C8orf76: variants seen among roughly 807,000 people sequenced by gnomAD.
C8orf76 encodes uncharacterized protein C8orf76.
A neutral mutation model predicts 38.1 loss-of-function variants in C8orf76; 46 were observed. That is an observed-to-expected ratio of 1.21 (90% CI 0.95 to 1.54). The LOEUF is 1.54. C8orf76 is among the 40% of genes most tolerant of loss of function. C8orf76 has a pLI of 0.00. For missense variants in C8orf76, 461 were observed against 441.6 expected, an observed-to-expected ratio of 1.04 and a Z score of -0.39; for synonymous variants, 166 against 167.5, an observed-to-expected ratio of 0.99 and a Z score of 0.07.
rs902643456 is a variant in C8orf76, at chr8:123,220,230, G to A, written c.1016C>T (p.Ser339Phe). Reference sequence around the variant, plus strand: ...AGTCACCAAGGCAGTCAGGGCTACGGAGCCAACACACTTCACCTCTGGGTG... The same window carrying A: ...AGTCACCAAGGCAGTCAGGGCTACGAAGCCAACACACTTCACCTCTGGGTG... ...EVHPEVKCVG[S>F]VALTALVTVS... The change falls in exon 6 of 6, where the codon TCC becomes TTC. Residue 339 changes from serine to phenylalanine, a missense_variant. By Grantham distance (155) the Ser-to-Phe change is radical. Coordinates refer to ENST00000276704, the MANE Select transcript of C8orf76 (RefSeq NM_032847.3). 5.0e-6 allele frequency: 8 copies of A among 1,613,482 alleles called. No homozygotes were observed. The highest frequency in any genetic ancestry group is 5.9e-6 in the Non-Finnish European group (7 of 1,179,790).
chr8:123,220,503 C>A (rs1464103211), intron 5 of C8orf76, among the ~76,000 whole-genome samples: 2 of 152,210 alleles, frequency 1.3e-5, no homozygotes, highest in African/African-American at 4.8e-5. Flanking sequence ...CTTATCTGAT[C>A]TCAGAAGTAG....
intron 4 of C8orf76, among the ~76,000 whole-genome samples, chr8:123,227,003 C>T (rs1825066845): frequency 6.6e-6 from 1 of 152,228 alleles, no homozygotes; most frequent in African/African-American, 2.4e-5. Context: ...AATCAGACTC[C>T]TCTCACACAG....
In C8orf76 at chr8:123,220,285, C is replaced by A; in HGVS notation, c.961G>T (p.Asp321Tyr). The A allele has an allele frequency of 6.3e-7, 1 of 1,598,784 alleles. No homozygotes were observed. The highest frequency in any genetic ancestry group is 8.5e-7 in the Non-Finnish European group (1 of 1,174,114). The change falls in exon 6 of 6, where the codon GAT (aspartate) becomes TAT (tyrosine). Residue 321 changes from aspartate to tyrosine, a missense_variant. Coordinates refer to ENST00000276704, the MANE Select transcript of C8orf76 (RefSeq NM_032847.3). ...TCATCTTTTATTTTTTCTGGGATAT[C>A]TTCTCCCATAACCTATAACAGGAGG... is the stretch of plus-strand genomic sequence containing the variant. The part of the protein sequence containing the change: ...LLLIAEVMGE[D>Y]IPEKIKDEVH...
At chr8:123,237,703 T>C (rs1250833317) in intron 3 of C8orf76, 95 bp downstream of exon 3, 2 of 1,439,980 alleles carry the variant, frequency 1.4e-6, no homozygotes, top group South Asian at 1.7e-5. Flanking sequence ...CCATAGATTT[T>C]GCTACTAGCA....
chr8:123,224,526 C>A (rs1023441998), intron 5 of C8orf76, among the ~76,000 whole-genome samples: 6 of 152,070 alleles, frequency 3.9e-5, no homozygotes, highest in African/African-American at 4.8e-5. Flanking sequence ...GTGAAAGGAC[C>A]ACTTGAGCCT....
chr8:123,224,918 G>A (rs1046682268), intron 5 of C8orf76, among the ~76,000 whole-genome samples: 1 of 152,188 alleles, frequency 6.6e-6, no homozygotes, highest in African/African-American at 2.4e-5. Flanking sequence ...TCAGAGGAAG[G>A]AGAAATGACC....
At chr8:123,235,830 G>GAGA (rs1825451245) in intron 3 of C8orf76, among the ~76,000 whole-genome samples, 1 of 152,054 alleles carries the variant, frequency 6.6e-6, no homozygotes, top group African/African-American at 2.4e-5. Context: ...AATCAAAGAG[G>GAGA]AGGAGGAGGA....
chr8:123,227,300 C>T (rs1395660318), intron 4 of C8orf76, among the ~76,000 whole-genome samples: 1 of 150,874 alleles, frequency 6.6e-6, no homozygotes, highest in Non-Finnish European at 1.5e-5. Context: ...GCAGATTTTC[C>T]CCTTTTTTCT....
At chr8:123,221,374 C>T (rs1264515223) in intron 5 of C8orf76, among the ~76,000 whole-genome samples, 5 of 152,168 alleles carry the variant, frequency 3.3e-5, no homozygotes, top group East Asian at 1.9e-4. Context: ...GCAGGATGGT[C>T]GCTTAAGGCC....
intron 3 of C8orf76, among the ~76,000 whole-genome samples, chr8:123,233,544 A>G (rs956797324): frequency 4.6e-5 from 7 of 150,764 alleles, no homozygotes; most frequent in Non-Finnish European, 1.0e-4. Flanking sequence ...ACAGGTGCCC[A>G]CCACCACACC....
At chr8:123,235,885 AGTAAAG>A (rs2131158290) in intron 3 of C8orf76, among the ~76,000 whole-genome samples, 1 of 152,362 alleles carries the variant, frequency 6.6e-6, no homozygotes, top group Admixed American at 6.5e-5. Context: ...GCAGGACAGT[AGTAAAG>A]GCTACAGAAA....
At chr8:123,220,337 A>T (rs1230669008) in intron 5 of C8orf76, 40 bp from the exon 6 acceptor site, 1 of 1,446,874 alleles carries the variant, frequency 6.9e-7, no homozygotes, top group East Asian at 2.4e-5. Context: ...CCAATAAAAG[A>T]GGCAGAGACA....
intron 3 of C8orf76, among the ~76,000 whole-genome samples, chr8:123,234,544 G>GGACTGCCTGAGCTCAGGAGTTCGA (rs1825390189): frequency 6.6e-6 from 1 of 152,062 alleles, no homozygotes; most frequent in South Asian, 2.1e-4. Context: ...TGAGGCGGGT[G>GGACTGCCTGAGCTCAGGAGTTCGA]GACTGCCTGA....
chr8:123,221,380 AGGCCAGGAGTTAGAGAAC>A (rs1192479210), intron 5 of C8orf76, among the ~76,000 whole-genome samples: 4 of 152,220 alleles, frequency 2.6e-5, no homozygotes, highest in African/African-American at 9.6e-5. Flanking sequence ...TGGTCGCTTA[AGGCCAGGAGTTAGAGAAC>A]GGCCAGGGCA....
At chr8:123,240,819 G>C (rs371491225) in intron 1 of C8orf76, among the ~76,000 whole-genome samples, 2 of 152,342 alleles carry the variant, frequency 1.3e-5, no homozygotes, top group East Asian at 3.9e-4. Flanking sequence ...CATCAGCGCG[G>C]GGTTGGTACG....
At chr8:123,226,311 C>T in intron 5 of C8orf76, 189 bp downstream of exon 5, 1 of 1,432,402 alleles carries the variant, frequency 7.0e-7, no homozygotes, top group Non-Finnish European at 9.1e-7. Context: ...CCCTGCGGTC[C>T]CGCACGCTGC....
intron 4 of C8orf76, among the ~76,000 whole-genome samples, chr8:123,228,798 T>C (rs1426979735): frequency 1.3e-5 from 2 of 152,210 alleles, no homozygotes; most frequent in Non-Finnish European, 1.5e-5. Flanking sequence ...ATCTAACATT[T>C]ACCAAATGCC....
chr8:123,225,383 T>C (rs1410254756), intron 5 of C8orf76, among the ~76,000 whole-genome samples: 1 of 152,168 alleles, frequency 6.6e-6, no homozygotes, highest in Non-Finnish European at 1.5e-5. Flanking sequence ...AGTAGGCAAT[T>C]AATCTGATGT....
chr8:123,240,758 A>T (rs1825655142), intron 1 of C8orf76, among the ~76,000 whole-genome samples: 1 of 152,214 alleles, frequency 6.6e-6, no homozygotes. Flanking sequence ...CCTAGAGGAG[A>T]TGACATTTAA....
Sources: gnomAD v4.1 joint callset for allele counts (sites outside exome capture counted in the v4.1 genomes callset) on GRCh38, gnomAD v4.1.1 for gene constraint, MANE v1.5 for transcripts, NCBI Gene and HGNC (gene_info 2026-07-23, HGNC 2026-07-21) for gene names.